Variants in ZFHX3 observed in about 807,000 individuals in gnomAD.
ZFHX3 encodes the protein zinc finger homeobox protein 3.
ZFHX3 carries 42 observed loss-of-function variants against 279.1 expected under a neutral mutation model. That is an observed-to-expected ratio of 0.15 (90% CI 0.12 to 0.19). The LOEUF (loss-of-function observed/expected upper bound fraction) is 0.19. ZFHX3 is among the 10% of genes least tolerant of loss of function. The probability of loss-of-function intolerance (pLI) is 1.00; values close to 1 mark genes in which losing one functional copy is unlikely to be tolerated. For missense variants in ZFHX3, 4,981 were observed against 4,754.0 expected, an observed-to-expected ratio of 1.05 and a Z score of -1.40; for synonymous variants, 2,293 against 1,957.8, an observed-to-expected ratio of 1.17 and a Z score of -4.52.
intron 2 of ZFHX3, among the ~76,000 whole-genome samples, chr16:73,584,851 C>T (rs1293581261): frequency 6.6e-6 from 1 of 152,086 alleles, no homozygotes; most frequent in East Asian, 1.9e-4. Flanking sequence ...TGACAAAGGG[C>T]TAATATCCAG....
chr16:72,880,532 T>G (rs1378178394), intron 4 of ZFHX3, among the ~76,000 whole-genome samples: 5 of 152,174 alleles, frequency 3.3e-5, no homozygotes, highest in African/African-American at 1.2e-4. Flanking sequence ...TCTTGAACCT[T>G]TAGCGTCCAG....
intron 1 of ZFHX3, among the ~76,000 whole-genome samples, chr16:73,736,572 T>C (rs1284545847): frequency 2.0e-5 from 3 of 151,812 alleles, no homozygotes; most frequent in South Asian, 2.1e-4. Context: ...CTGAAGAAAA[T>C]ACAGAGAGGG....
intron 2 of ZFHX3, among the ~76,000 whole-genome samples, chr16:73,673,044 T>A (rs576320209): frequency 6.6e-6 from 1 of 152,274 alleles, no homozygotes; most frequent in African/African-American, 2.4e-5. Flanking sequence ...CTCCCATCAG[T>A]CTACATTTGG....
intron 2 of ZFHX3, among the ~76,000 whole-genome samples, chr16:73,473,391 G>C (rs2018710628): frequency 6.7e-6 from 1 of 148,342 alleles, no homozygotes; most frequent in African/African-American, 2.6e-5. Flanking sequence ...TAAGCTATGT[G>C]AGCTGACTTG....
intron 8 of ZFHX3, among the ~76,000 whole-genome samples, chr16:73,078,066 A>G (rs1965906343): frequency 6.6e-6 from 1 of 152,198 alleles, no homozygotes; most frequent in Admixed American, 6.5e-5. Context: ...CGGCCTCCTA[A>G]AATTCTGGGA....
At chr16:73,708,498 A>C (rs1471303044) in intron 1 of ZFHX3, among the ~76,000 whole-genome samples, 3 of 152,240 alleles carry the variant, frequency 2.0e-5, no homozygotes, top group Non-Finnish European at 4.4e-5. Context: ...CTTCATCTAT[A>C]GCTTGGTCTT....
intron 2 of ZFHX3, among the ~76,000 whole-genome samples, chr16:73,516,588 T>G (rs1374863187): frequency 6.6e-6 from 1 of 152,304 alleles, no homozygotes; most frequent in South Asian, 2.1e-4. Context: ...TGGAATAATA[T>G]GTAGGGAACT....
In ZFHX3 at chr16:73,504,001, G is replaced by A. The variant is rs2019281188; in HGVS notation, c.-1546-47743C>T. 1.3e-5 allele frequency among the ~76,000 whole-genome samples: 2 copies of A among 152,108 alleles called. 1 individual carries two copies. Among genetic ancestry groups the A allele is most frequent in the South Asian group, 4.1e-4 (2 of 4,824 alleles). On this transcript the variant is annotated intron_variant, in intron 2 of 17. Transcript: ENST00000641206. ...AAACAACAACAAAAGGTGGAAAAGG[G>A]GCATAAATGGAGAAATACGCTTACT...
intron 1 of ZFHX3, among the ~76,000 whole-genome samples, chr16:73,822,609 A>C (rs1227374298): frequency 1.3e-5 from 2 of 152,160 alleles, no homozygotes; most frequent in Non-Finnish European, 2.9e-5. Context: ...TAGATACTGA[A>C]GGTTCCCCAG....
chr16:73,068,916 C>T (rs1965789915), intron 8 of ZFHX3, among the ~76,000 whole-genome samples: 1 of 152,206 alleles, frequency 6.6e-6, no homozygotes, highest in Non-Finnish European at 1.5e-5. Flanking sequence ...TGAGGTTTGG[C>T]CACCTGATGG....
chr16:72,898,407 G>A (rs113454078), intron 3 of ZFHX3, among the ~76,000 whole-genome samples: 2 of 152,180 alleles, frequency 1.3e-5, no homozygotes, highest in Non-Finnish European at 2.9e-5. Flanking sequence ...AGGCCAGAGC[G>A]GAGACTTCCC....
At chr16:73,062,526 A>C (rs1965696895), upstream of ZFHX3, among the ~76,000 whole-genome samples, 1 of 152,234 alleles carries the variant, frequency 6.6e-6, no homozygotes, top group Admixed American at 6.5e-5. Context: ...AATTTGAGTA[A>C]GAATCTGCTT....
At chr16:72,945,999 G>A (rs955732943) in intron 3 of ZFHX3, among the ~76,000 whole-genome samples, 10 of 152,234 alleles carry the variant, frequency 6.6e-5, no homozygotes, top group African/African-American at 1.9e-4. Flanking sequence ...TTTCTGATTT[G>A]CCCGTCTACC....
intron 1 of ZFHX3, among the ~76,000 whole-genome samples, chr16:73,741,620 C>T (rs1036579353): frequency 1.3e-5 from 2 of 152,158 alleles, no homozygotes; most frequent in Admixed American, 6.5e-5. Flanking sequence ...CCAGTTAGCC[C>T]CACAGAAGCT....
At chr16:73,283,832 C>G (rs2014519873) in intron 4 of ZFHX3, among the ~76,000 whole-genome samples, 1 of 152,024 alleles carries the variant, frequency 6.6e-6, no homozygotes, top group Non-Finnish European at 1.5e-5. Flanking sequence ...GGTTGTCATC[C>G]CAGCTACTCC....
chr16:72,798,379 G>C lies in ZFHX3; in HGVS notation c.4303C>G (p.Gln1435Glu), dbSNP rs1228038209. Reference sequence around the variant, plus strand: ...GCCTGGAAAGTTCGGAAACTGCGCTGACAAAGACAGCACATGGTGGCAGCT... The same window carrying C: ...GCCTGGAAAGTTCGGAAACTGCGCTCACAAAGACAGCACATGGTGGCAGCT... ...IRAATMCCLC[Q>E]RSFRTFQALK... The change falls in exon 9 of 10, where the codon CAG becomes GAG. Residue 1435 changes from glutamine to glutamate, a missense_variant. By Grantham distance (29) the Gln-to-Glu change is conservative (BLOSUM62 2). Coordinates refer to ENST00000268489, the MANE Select transcript of ZFHX3 (RefSeq NM_006885.4). 1 of 1,614,098 alleles carries C rather than the reference G, an allele frequency of 6.2e-7. No individual in the cohort carries two copies. The highest frequency in any genetic ancestry group is 8.5e-7 in the Non-Finnish European group (1 of 1,180,054).
At chr16:73,737,858 A>T (rs2053622417) in intron 1 of ZFHX3, among the ~76,000 whole-genome samples, 1 of 152,192 alleles carries the variant, frequency 6.6e-6, no homozygotes, top group Non-Finnish European at 1.5e-5. Context: ...AGGGAAAAAG[A>T]GATAAAACTC....
At chr16:73,361,135 T>C (rs2016427531) in intron 3 of ZFHX3, among the ~76,000 whole-genome samples, 1 of 152,178 alleles carries the variant, frequency 6.6e-6, no homozygotes, top group Non-Finnish European at 1.5e-5. Flanking sequence ...GAGCATCAAG[T>C]GGTCTGGAAT....
At chr16:73,417,959 A>T (rs981007963) in intron 3 of ZFHX3, among the ~76,000 whole-genome samples, 2 of 136,420 alleles carry the variant, frequency 1.5e-5, no homozygotes, top group Non-Finnish European at 3.0e-5. Flanking sequence ...ACTGCACTCC[A>T]GCCTGGGCAA....
Sources: allele counts gnomAD v4.1 joint callset (sites outside exome capture counted in the v4.1 genomes callset), GRCh38; gene constraint gnomAD v4.1.1; transcripts MANE v1.5; gene names NCBI Gene and HGNC (gene_info 2026-07-23, HGNC 2026-07-21).